Variants in ANP32B observed in about 807,000 individuals in gnomAD.
The protein encoded by ANP32B is acidic leucine-rich nuclear phosphoprotein 32 family member B.
Under a neutral mutation model 32.2 loss-of-function variants are expected in ANP32B, and 6 were observed. The observed-to-expected ratio is 0.19, with a 90% CI of 0.10 to 0.37. ANP32B has a LOEUF of 0.37. Among genes scored for constraint, ANP32B ranks in the 10% least tolerant of loss-of-function variants. The pLI is 1.00. For synonymous variants in ANP32B, 98 were observed against 105.8 expected, an observed-to-expected ratio of 0.93 and a Z score of 0.45; for missense variants, 204 against 289.2, an observed-to-expected ratio of 0.71 and a Z score of 2.14.
At chr9:98,011,213 C>T (rs1228540521) in intron 4 of ANP32B, 58 bp from the exon 5 acceptor site, 3 of 1,527,058 alleles carry the variant, frequency 2.0e-6, no homozygotes, top group East Asian at 2.5e-5. Context: ...ATCCTCAACA[C>T]TTTGTCCCCT....
intron 3 of ANP32B, among the ~76,000 whole-genome samples, chr9:98,003,025 A>AT (rs1157592484): frequency 1.3e-5 from 2 of 152,076 alleles, no homozygotes; most frequent in East Asian, 1.9e-4. Context: ...GCATTGCAGC[A>AT]TTTTTTTCCT....
intron 1 of ANP32B, chr9:97,987,388 T>G (rs1827754615): frequency 6.6e-6 from 1 of 152,224 alleles, no homozygotes; most frequent in Admixed American, 6.5e-5. Flanking sequence ...GAGAGTAAAT[T>G]GAACAGTGCT....
chr9:97,997,244 C>T (rs1827920176), intron 2 of ANP32B, among the ~76,000 whole-genome samples: 1 of 152,174 alleles, frequency 6.6e-6, no homozygotes, highest in African/African-American at 2.4e-5. Flanking sequence ...TAGACCATGA[C>T]TATTTCACTG....
intron 4 of ANP32B, among the ~76,000 whole-genome samples, chr9:98,010,139 T>C (rs1828155449): frequency 6.6e-6 from 1 of 151,812 alleles, no homozygotes; most frequent in Admixed American, 6.6e-5. Flanking sequence ...AGAGCAAAGA[T>C]GGGTCAGCCA....
chr9:97,988,944 C>T (rs893660492), intron 1 of ANP32B, among the ~76,000 whole-genome samples: 2 of 152,276 alleles, frequency 1.3e-5, no homozygotes, highest in South Asian at 4.1e-4. Context: ...TTCCTCCATA[C>T]CCTTTCCTCC....
At chr9:97,986,639 A>G (rs1378013924) in intron 1 of ANP32B, 3 of 152,272 alleles carry the variant, frequency 2.0e-5, no homozygotes, top group African/African-American at 4.8e-5. Context: ...AGCTAGTCAC[A>G]TGATACCTTA....
At chr9:97,984,745 C>T (rs1199494231) in intron 1 of ANP32B, 13 of 150,054 alleles carry the variant, frequency 8.7e-5, no homozygotes, top group African/African-American at 3.2e-4. Flanking sequence ...GGGAGCCGCG[C>T]GCCGCGGCCG....
At chr9:97,989,138 G>A (rs1827784320) in intron 1 of ANP32B, among the ~76,000 whole-genome samples, 1 of 152,136 alleles carries the variant, frequency 6.6e-6, no homozygotes, top group Non-Finnish European at 1.5e-5. Flanking sequence ...CCATGACCTA[G>A]ACTCATCATA....
At chr9:97,997,378 T>C (rs1827922132) in intron 2 of ANP32B, among the ~76,000 whole-genome samples, 1 of 152,244 alleles carries the variant, frequency 6.6e-6, no homozygotes, top group African/African-American at 2.4e-5. Context: ...TTTACATTTT[T>C]AAAAGTTACT....
chr9:97,990,945 G>T (rs1004867287), intron 1 of ANP32B, among the ~76,000 whole-genome samples: 1 of 148,196 alleles, frequency 6.7e-6, no homozygotes, highest in Non-Finnish European at 1.5e-5. Context: ...TCATCCTCCC[G>T]AGTAGCTGGG....
intron 3 of ANP32B, among the ~76,000 whole-genome samples, chr9:98,002,598 C>T (rs1828012075): frequency 1.3e-5 from 2 of 152,126 alleles, no homozygotes. Flanking sequence ...CAGAGTACTA[C>T]AGTTATTTGG....
At chr9:97,985,116 T>A (rs1587869194) in intron 1 of ANP32B, among the ~76,000 whole-genome samples, 2 of 149,120 alleles carry the variant, frequency 1.3e-5, no homozygotes, top group Non-Finnish European at 3.0e-5. Context: ...CGCGGCCGGG[T>A]GCCCCAGCGG....
chr9:97,988,397 G>A (rs941651779), intron 1 of ANP32B, among the ~76,000 whole-genome samples: 10 of 151,940 alleles, frequency 6.6e-5, no homozygotes, highest in Admixed American at 2.0e-4. Context: ...GCCAGCAGTC[G>A]TGCTACCTAA....
chr9:97,990,708 A>G (rs1365529868), intron 1 of ANP32B, among the ~76,000 whole-genome samples: 1 of 151,172 alleles, frequency 6.6e-6, no homozygotes, highest in Non-Finnish European at 1.5e-5. Context: ...ACTCACCTAC[A>G]TCTGTGTCCA....
chr9:98,009,768 T>G (rs918011707), intron 4 of ANP32B, among the ~76,000 whole-genome samples: 1 of 152,258 alleles, frequency 6.6e-6, no homozygotes, highest in Non-Finnish European at 1.5e-5. Flanking sequence ...GCATGAGTAT[T>G]TCTTTTCTTT....
chr9:98,012,530 A>G (rs1335178104), intron 6 of ANP32B, 58 bp downstream of exon 6: 5 of 1,600,648 alleles, frequency 3.1e-6, no homozygotes, highest in South Asian at 1.1e-5. Flanking sequence ...AAAAACATCC[A>G]TTATTTAGAA....
chr9:97,991,621 T>C (rs1827826758), intron 1 of ANP32B, among the ~76,000 whole-genome samples: 2 of 152,168 alleles, frequency 1.3e-5, no homozygotes, highest in Non-Finnish European at 2.9e-5. Flanking sequence ...AGAAAATAAT[T>C]TTGTGGCAGT....
chr9:97,985,091 C>T (rs892023439), intron 1 of ANP32B, among the ~76,000 whole-genome samples: 1 of 149,644 alleles, frequency 6.7e-6, no homozygotes, highest in Admixed American at 6.6e-5. Flanking sequence ...CGGACCGGCG[C>T]GGGCCAGTTA....
At chr9:97,997,099 GT>G (rs544340435) in intron 2 of ANP32B, among the ~76,000 whole-genome samples, 4 of 152,162 alleles carry the variant, frequency 2.6e-5, no homozygotes, top group African/African-American at 4.8e-5. Context: ...GATGTTACAT[GT>G]GTATGTGATA....
Sources: gnomAD v4.1 joint callset for allele counts (sites outside exome capture counted in the v4.1 genomes callset) on GRCh38, gnomAD v4.1.1 for gene constraint, MANE v1.5 for transcripts, NCBI Gene and HGNC (gene_info 2026-07-23, HGNC 2026-07-21) for gene names.